Variants in CTXND1 observed in about 807,000 individuals in gnomAD.
CTXND1 encodes cortexin domain containing 1, also known as cortexin domain-containing 1 protein.
rs751768584 is a variant in CTXND1, at chr15:80,244,895, G to A, written c.-218+7112C>T. 2.3e-4 allele frequency among the ~76,000 whole-genome samples: 35 copies of A among 152,248 alleles called. 1 individual carries two copies. The highest frequency in any genetic ancestry group is 2.4e-4 in the Non-Finnish European group (16 of 68,028). ...GCATTCCAACAGCCTCCAGTGAGCT[G>A]GAACTGAGTGTAAGGGTTGAGAGTT... On this transcript the variant is annotated intron_variant, in intron 1 of 2. Coordinates refer to ENST00000560778, the MANE Select transcript of CTXND1 (RefSeq NM_001352888.2).
chr15:80,226,005 C>A (rs1359927706), intron 1 of CTXND1, among the ~76,000 whole-genome samples: 1 of 152,176 alleles, frequency 6.6e-6, no homozygotes, highest in African/African-American at 2.4e-5. Context: ...CAGGGTTTAT[C>A]CTGAGCACAG....
At chr15:80,238,562 G>A (rs1893529833) in intron 1 of CTXND1, among the ~76,000 whole-genome samples, 1 of 148,976 alleles carries the variant, frequency 6.7e-6, no homozygotes, top group Non-Finnish European at 1.5e-5. Context: ...TCGGCTCACT[G>A]CAAGCTCCAC....
rs74947681 is a variant in CTXND1 at position 80,241,240 on chromosome 15, A to G, written c.-218+10767T>C. ...CCCTAGACCACTCTCCAGGGTCAGG[A>G]TTCAGGAGCTCAGGGAAAAAGGGGC... On this transcript the variant is annotated intron_variant, in intron 1 of 2. Transcript: ENST00000560778. 7.0e-3 allele frequency among the ~76,000 whole-genome samples: 1,070 copies of G among 152,318 alleles called. 18 individuals carry two copies. Among genetic ancestry groups the G allele is most frequent in the African/African-American group, 0.024 (1,010 of 41,564 alleles).
intron 1 of CTXND1, among the ~76,000 whole-genome samples, chr15:80,229,341 T>C (rs1008606819): frequency 3.9e-5 from 6 of 152,236 alleles, no homozygotes; most frequent in African/African-American, 1.4e-4. Context: ...AATTGGGGAA[T>C]AAGTGTTAGG....
At chr15:80,221,265 A>C (rs1344072100) in intron 1 of CTXND1, among the ~76,000 whole-genome samples, 1 of 152,214 alleles carries the variant, frequency 6.6e-6, no homozygotes, top group Non-Finnish European at 1.5e-5. Context: ...AATGCCCGCC[A>C]AGAACAGTTT....
chr15:80,225,752 C>T (rs1362756116), intron 1 of CTXND1, among the ~76,000 whole-genome samples: 3 of 152,188 alleles, frequency 2.0e-5, no homozygotes, highest in African/African-American at 7.2e-5. Flanking sequence ...ATCAGTCTTA[C>T]TGAGCATACC....
intron 1 of CTXND1, among the ~76,000 whole-genome samples, chr15:80,231,828 A>C (rs1463491514): frequency 1.3e-5 from 2 of 152,226 alleles, no homozygotes; most frequent in African/African-American, 4.8e-5. Flanking sequence ...GTCTGTCCAC[A>C]CTGAGAATAG....
At chr15:80,237,960 G>A in intron 1 of CTXND1, among the ~76,000 whole-genome samples, 1 of 128,668 alleles carries the variant, frequency 7.8e-6, no homozygotes, top group East Asian at 2.4e-4. Context: ...AGTAAGCTGA[G>A]ATCGTGCCAC....
At position 80,217,521 on chromosome 15, in the gene CTXND1, C is replaced by CTTATTTATTTAT. The variant is rs67800490; in HGVS notation, c.-217-13793_-217-13782dup. 1.4e-3 allele frequency among the ~76,000 whole-genome samples: 199 copies of CTTATTTATTTAT among 143,768 alleles called. 1 individual carries two copies. Among genetic ancestry groups the CTTATTTATTTAT allele is most frequent in the Middle Eastern group, 7.1e-3 (2 of 282 alleles). 94.3% of individuals were successfully genotyped at this position (143,768 alleles called of 152,430 possible). On this transcript the variant is annotated intron_variant, in intron 1 of 2. Transcript: ENST00000560778. ...TGTGTCTGTGCTCTCCAATAGCTTG[C>CTTATTTATTTAT]TTATTTATTTATTTATTTATTTATT... is the stretch of plus-strand genomic sequence containing the variant.
intron 1 of CTXND1, among the ~76,000 whole-genome samples, chr15:80,231,497 G>C (rs1893430226): frequency 6.6e-6 from 1 of 152,120 alleles, no homozygotes; most frequent in South Asian, 2.1e-4. Flanking sequence ...TAAACCATGG[G>C]AGAAATTTAT....
At chr15:80,238,330 T>C (rs976910343) in intron 1 of CTXND1, among the ~76,000 whole-genome samples, 5 of 152,202 alleles carry the variant, frequency 3.3e-5, no homozygotes, top group Admixed American at 6.5e-5. Context: ...TTCAGATATA[T>C]AAAACTTAAC....
At chr15:80,207,516 T>A (rs138063787) in intron 1 of CTXND1, among the ~76,000 whole-genome samples, 1 of 152,236 alleles carries the variant, frequency 6.6e-6, no homozygotes, top group Non-Finnish European at 1.5e-5. Flanking sequence ...TTTTTTGAAG[T>A]CCTTATTTGA....
At chr15:80,211,944 C>T (rs903143598) in intron 1 of CTXND1, among the ~76,000 whole-genome samples, 2 of 152,208 alleles carry the variant, frequency 1.3e-5, no homozygotes, top group Non-Finnish European at 2.9e-5. Context: ...GTCACACTTA[C>T]AACTCCGTAG....
chr15:80,236,222 G>A (rs1394267861), intron 1 of CTXND1, among the ~76,000 whole-genome samples: 1 of 151,836 alleles, frequency 6.6e-6, no homozygotes, highest in African/African-American at 2.4e-5. Context: ...TTTCTGTACA[G>A]ACATAAATAA....
intron 1 of CTXND1, among the ~76,000 whole-genome samples, chr15:80,238,481 T>C (rs998751347): frequency 6.6e-6 from 1 of 151,404 alleles, no homozygotes; most frequent in Non-Finnish European, 1.5e-5. Flanking sequence ...TGCCCAACCA[T>C]GTTTGTTTTT....
chr15:80,208,989 A>G (rs142282166), intron 1 of CTXND1, among the ~76,000 whole-genome samples: 1 of 152,312 alleles, frequency 6.6e-6, no homozygotes, highest in African/African-American at 2.4e-5. Context: ...TAGCCTCTCA[A>G]ACCTTGATTC....
intron 1 of CTXND1, among the ~76,000 whole-genome samples, chr15:80,217,587 CCTGGA>C (rs1267740976): frequency 6.6e-6 from 1 of 151,622 alleles, no homozygotes; most frequent in Admixed American, 6.6e-5. Flanking sequence ...GGCTTTGTCA[CCTGGA>C]CTGGAGTGCA....
chr15:80,205,997 T>C (rs911819637), intron 1 of CTXND1, among the ~76,000 whole-genome samples: 1 of 151,810 alleles, frequency 6.6e-6, no homozygotes, highest in Non-Finnish European at 1.5e-5. Flanking sequence ...CAACATCTTA[T>C]AGCAAACATT....
chr15:80,214,730 T>A (rs1893234408), intron 1 of CTXND1, among the ~76,000 whole-genome samples: 1 of 152,170 alleles, frequency 6.6e-6, no homozygotes, highest in South Asian at 2.1e-4. Flanking sequence ...GGAAGTTGTA[T>A]AAACAGCATG....
Sources: gnomAD v4.1 joint callset for allele counts (sites outside exome capture counted in the v4.1 genomes callset) on GRCh38, gnomAD v4.1.1 for gene constraint, MANE v1.5 for transcripts, NCBI Gene and HGNC (gene_info 2026-07-23, HGNC 2026-07-21) for gene names.